The following GSE1 variants were observed in gnomAD, a reference collection of about 807,000 sequenced individuals.
GSE1 encodes genetic suppressor element 1.
GSE1 carries 32 observed loss-of-function variants against 112.6 expected under a neutral mutation model. The observed-to-expected ratio is 0.28, with a 90% CI of 0.21 to 0.38. GSE1 has a LOEUF of 0.38. GSE1 is among the 10% of genes least tolerant of loss of function. The pLI is 1.00. For missense variants in GSE1, 2,348 were observed against 1,699.2 expected (o/e 1.38, Z -6.71); for synonymous variants, 1,115 against 735.6 (o/e 1.52, Z -8.35).
intron 1 of GSE1, among the ~76,000 whole-genome samples, chr16:85,182,476 A>G (rs555876600): frequency 5.9e-5 from 9 of 152,152 alleles, no homozygotes; most frequent in Non-Finnish European, 1.3e-4. Context: ...TGCTTCTCCC[A>G]TGCCTCAACC....
At chr16:85,387,362 C>G (rs1355686123) in intron 2 of GSE1, among the ~76,000 whole-genome samples, 1 of 152,142 alleles carries the variant, frequency 6.6e-6, no homozygotes, top group African/African-American at 2.4e-5. Flanking sequence ...TCCCTCCTAG[C>G]CCCCCTCCTC....
intron 14 of GSE1, among the ~76,000 whole-genome samples, chr16:85,668,909 C>CTT (rs2053102395): frequency 6.6e-6 from 1 of 152,260 alleles, no homozygotes; most frequent in Non-Finnish European, 1.5e-5. Flanking sequence ...AGCACTTTGC[C>CTT]TAAAAAGACA....
rs370258804 is a variant in GSE1, at chr16:85,663,607, G to A, written c.2637G>A (p.Lys879=). The A allele has an allele frequency of 3.7e-6, 6 of 1,611,622 alleles. No homozygotes were observed. In the African/African-American group the frequency reaches 6.7e-5, roughly 18 times the overall value. Residue 879 remains lysine (K), a synonymous_variant, in exon 11 of 16, where the codon AAG becomes AAA. Coordinates refer to ENST00000253458, the MANE Select transcript of GSE1 (RefSeq NM_014615.5). ...IFNLTHISAE[K]RKDKERLVEM... ...ACCTGACCCACATCAGCGCTGAGAA[G>A]AGGAAAGGTAGGGCCTCGCCTGGGT...
chr16:85,390,083 A>G (rs1314128201), intron 2 of GSE1, among the ~76,000 whole-genome samples: 1 of 152,176 alleles, frequency 6.6e-6, no homozygotes, highest in Non-Finnish European at 1.5e-5. Context: ...AGTACAGATT[A>G]TTTCTTTATC....
chr16:85,233,589 C>T (rs777239985), intron 1 of GSE1, among the ~76,000 whole-genome samples: 4 of 152,274 alleles, frequency 2.6e-5, no homozygotes, highest in Middle Eastern at 3.4e-3. Flanking sequence ...TATGTGTCCA[C>T]GTGGCGTCTG....
intron 1 of GSE1, among the ~76,000 whole-genome samples, chr16:85,303,644 G>A (rs1229671059): frequency 6.6e-6 from 1 of 152,254 alleles, no homozygotes; most frequent in Admixed American, 6.5e-5. Context: ...AGGCCGCACA[G>A]CTGGCCAGCT....
intron 2 of GSE1, among the ~76,000 whole-genome samples, chr16:85,420,974 G>A (rs1027656933): frequency 6.6e-6 from 1 of 152,214 alleles, no homozygotes; most frequent in South Asian, 2.1e-4. Context: ...CGTCTGCGCC[G>A]CCACCGCCTG....
intron 2 of GSE1, among the ~76,000 whole-genome samples, chr16:85,424,429 T>C (rs891020691): frequency 7.2e-5 from 11 of 152,116 alleles, no homozygotes; most frequent in African/African-American, 2.7e-4. Context: ...GGCCACAGGA[T>C]GCAATGGCAG....
At chr16:85,430,499 G>C (rs977431455) in intron 2 of GSE1, among the ~76,000 whole-genome samples, 1 of 152,200 alleles carries the variant, frequency 6.6e-6, no homozygotes, top group Non-Finnish European at 1.5e-5. Context: ...AAGGGAGCCC[G>C]GCCTGGGAAT....
At chr16:85,172,785 C>T (rs1287897698) in intron 1 of GSE1, among the ~76,000 whole-genome samples, 1 of 152,198 alleles carries the variant, frequency 6.6e-6, no homozygotes, top group Admixed American at 6.5e-5. Context: ...AAGGGTCATT[C>T]CACCCTTTGA....
At chr16:85,317,142 C>G (rs1057204702) in intron 1 of GSE1, among the ~76,000 whole-genome samples, 2 of 152,210 alleles carry the variant, frequency 1.3e-5, no homozygotes, top group African/African-American at 2.4e-5. Flanking sequence ...AGGCACCATG[C>G]CTGGCTCTGA....
chr16:85,371,866 C>T (rs1043774638), intron 2 of GSE1, among the ~76,000 whole-genome samples: 3 of 152,212 alleles, frequency 2.0e-5, no homozygotes, highest in African/African-American at 7.2e-5. Context: ...GAATGACCCT[C>T]TCCCAAGCTT....
intron 2 of GSE1, among the ~76,000 whole-genome samples, chr16:85,408,903 A>G (rs1230593492): frequency 1.3e-4 from 1 of 7,594 alleles, no homozygotes; most frequent in Admixed American, 1.5e-3. Flanking sequence ...CCTCACTGTT[A>G]CACTCAGGCC....
At chr16:85,425,322 C>CGGGTGATGTGAGGTGGTG (rs56307279) in intron 2 of GSE1, among the ~76,000 whole-genome samples, 1 of 151,776 alleles carries the variant, frequency 6.6e-6, no homozygotes, top group Admixed American at 6.6e-5. Context: ...GAGGTGGTGA[C>CGGGTGATGTGAGGTGGTG]AGCAGGAAGC....
chr16:85,611,058 G>T (rs1463090513), upstream of GSE1, among the ~76,000 whole-genome samples: 1 of 152,254 alleles, frequency 6.6e-6, no homozygotes, highest in Non-Finnish European at 1.5e-5. Flanking sequence ...AAGGGAGTAG[G>T]TGGTGGCACC....
intron 1 of GSE1, among the ~76,000 whole-genome samples, chr16:85,632,972 C>T (rs1376263765): frequency 1.3e-5 from 2 of 152,262 alleles, no homozygotes; most frequent in Admixed American, 1.3e-4. Flanking sequence ...CCCAGTGGTT[C>T]TGATGTCACC....
At chr16:85,255,783 C>T (rs545061704) in intron 1 of GSE1, among the ~76,000 whole-genome samples, 10 of 151,980 alleles carry the variant, frequency 6.6e-5, no homozygotes, top group Admixed American at 3.3e-4. Flanking sequence ...CCACCTCCTG[C>T]GCTCAAGCCA....
At chr16:85,614,331 C>CGCCT (rs2048227127) in intron 1 of GSE1, among the ~76,000 whole-genome samples, 1 of 152,154 alleles carries the variant, frequency 6.6e-6, no homozygotes, top group Non-Finnish European at 1.5e-5. Context: ...GCCGCCCGCC[C>CGCCT]GCCTCTCTAG....
chr16:85,561,775 G>A (rs1049574774), intron 1 of GSE1, among the ~76,000 whole-genome samples: 2 of 152,256 alleles, frequency 1.3e-5, no homozygotes, highest in African/African-American at 4.8e-5. Flanking sequence ...GCAGGAGGCT[G>A]AGGCTTCCCC....
Sources: gnomAD v4.1 joint callset for allele counts (sites outside exome capture counted in the v4.1 genomes callset) on GRCh38, gnomAD v4.1.1 for gene constraint, MANE v1.5 for transcripts, NCBI Gene and HGNC (gene_info 2026-07-23, HGNC 2026-07-21) for gene names.